GATA4: variants seen among roughly 807,000 people sequenced by gnomAD.
GATA4 encodes the protein transcription factor GATA-4.
A neutral mutation model predicts 37.9 loss-of-function variants in GATA4; 7 were observed. That is an observed-to-expected ratio of 0.18 (90% CI 0.11 to 0.35). The LOEUF (loss-of-function observed/expected upper bound fraction) is 0.35. Ranked by LOEUF, GATA4 falls within the 10% of genes least tolerant of loss-of-function variation. GATA4 has a pLI of 1.00. For synonymous variants in GATA4, 372 were observed against 292.6 expected (o/e 1.27, Z -2.77); for missense variants, 647 against 653.0 (o/e 0.99, Z 0.10).
chr8:11,752,395 T>C (rs1033021796), intron 4 of GATA4, among the ~76,000 whole-genome samples: 6 of 152,038 alleles, frequency 3.9e-5, no homozygotes, highest in African/African-American at 1.4e-4. Flanking sequence ...TGGCGGAAGG[T>C]GAAAGGCACG....
chr8:11,707,392 A>G lies in GATA4; in HGVS notation c.-457-464A>G, dbSNP rs1232554892. ...TGTAAAGTTTGTCCTTGTCCCCCCA[A>G]GGACAATCTAAAGTTCTTTCTAGGC... On this transcript the variant is annotated intron_variant, in intron 1 of 6. Transcript: ENST00000532059. This position sits in a 1 kb window ranked among gnomAD's most constrained non-coding sequence, Gnocchi z 4.7. Among the ~76,000 whole-genome samples the G allele has an allele frequency of 1.3e-5, 2 of 151,792 alleles. No individual in the cohort carries two copies. Among genetic ancestry groups the G allele is most frequent in the African/African-American group, 4.8e-5 (2 of 41,320 alleles).
intron 1 of GATA4, among the ~76,000 whole-genome samples, chr8:11,693,202 A>G (rs1585564563): frequency 6.6e-6 from 1 of 152,346 alleles, no homozygotes; most frequent in South Asian, 2.1e-4. Flanking sequence ...GCGGTGGCGC[A>G]TATTTGTAAT....
intron 2 of GATA4, among the ~76,000 whole-genome samples, chr8:11,743,023 C>T (rs75385343): frequency 0.049 from 7,471 of 152,304 alleles, 229 homozygotes; most frequent in Middle Eastern, 0.085. Flanking sequence ...TCTCCTTGGC[C>T]CCCTCTGGCC....
rs143201500 is a variant in GATA4 at position 11,715,126 on chromosome 8, G to A, written c.616+6198G>A. Reference sequence around the variant, plus strand: ...TAATGAAGTTCATTATCTAATGTATGGAATCCTCACAAAGACATTTATAAA... The same window carrying A: ...TAATGAAGTTCATTATCTAATGTATAGAATCCTCACAAAGACATTTATAAA... On this transcript the variant is annotated intron_variant, in intron 2 of 6. Coordinates refer to ENST00000532059, the MANE Select transcript of GATA4 (RefSeq NM_001308093.3). Among the ~76,000 whole-genome samples, 6 of 152,200 alleles carry A rather than the reference G, an allele frequency of 3.9e-5. No individual in the cohort carries two copies. In the East Asian group the frequency reaches 1.2e-3, roughly 29 times the overall value.
At chr8:11,750,259 C>A (rs201242760) in intron 4 of GATA4, 23 bp downstream of exon 4, 4 of 1,610,690 alleles carry the variant, frequency 2.5e-6, no homozygotes, top group Non-Finnish European at 3.4e-6. Flanking sequence ...TGCGCCCATG[C>A]GGCATCCTTG....
At chr8:11,678,176 G>A (rs934944395) in intron 1 of GATA4, among the ~76,000 whole-genome samples, 8 of 152,058 alleles carry the variant, frequency 5.3e-5, no homozygotes, top group South Asian at 4.2e-4. Context: ...CCACATGCTC[G>A]CAGGTTGAAA....
At chr8:11,731,708 TA>T (rs1283904198) in intron 2 of GATA4, among the ~76,000 whole-genome samples, 4 of 152,252 alleles carry the variant, frequency 2.6e-5, no homozygotes, top group Non-Finnish European at 5.9e-5. Context: ...ACTGTACACT[TA>T]AAAATGGTTA....
At chr8:11,702,847 A>T (rs1190909239), upstream of GATA4, among the ~76,000 whole-genome samples, 1 of 152,038 alleles carries the variant, frequency 6.6e-6, no homozygotes, top group Non-Finnish European at 1.5e-5. The surrounding 1 kb of genome is among the most constrained non-coding windows in gnomAD (Gnocchi z 4.4). Context: ...GCCCCAGTGA[A>T]CCTCCGCACC....
upstream of GATA4, chr8:11,692,597 G>C (rs945064538): frequency 5.9e-5 from 58 of 985,312 alleles, 1 homozygote; most frequent in Middle Eastern, 1.0e-3. Context: ...TGGCCCCCGC[G>C]CTGGGGCGGG....
chr8:11,702,198 C>T (rs1292031664), upstream of GATA4, among the ~76,000 whole-genome samples: 1 of 152,194 alleles, frequency 6.6e-6, no homozygotes, highest in South Asian at 2.1e-4. The surrounding 1 kb of genome is among the most constrained non-coding windows in gnomAD (Gnocchi z 4.4). Context: ...GTGGGGAGGA[C>T]GTCAGATGGC....
chr8:11,742,026 A>C (rs1801763207), intron 2 of GATA4, among the ~76,000 whole-genome samples: 1 of 152,204 alleles, frequency 6.6e-6, no homozygotes, highest in African/African-American at 2.4e-5. Context: ...GGCCCTGGGC[A>C]GGATCTGTTC....
At chr8:11,701,123 A>T (rs1194918581), upstream of GATA4, among the ~76,000 whole-genome samples, 1 of 152,136 alleles carries the variant, frequency 6.6e-6, no homozygotes, top group Non-Finnish European at 1.5e-5. Flanking sequence ...TTAATGGAAC[A>T]GGGTAAAGCA....
rs551378949 is a variant in GATA4 at position 11,708,372 on chromosome 8, G to T, written c.60G>T (p.Ala20=). ...NHGPPPGAYE[A]GGPGAFMHGA... The stretch of plus-strand genomic sequence containing the variant: ...GGCCGCCCCCCGGTGCCTACGAGGC[G>T]GGCGGCCCCGGCGCCTTCATGCACG... The change falls in exon 2 of 7, where the codon GCG becomes GCT. Residue 20 remains alanine, a synonymous_variant. Coordinates refer to ENST00000532059, the MANE Select transcript of GATA4 (RefSeq NM_001308093.3). This position sits in a 1 kb window ranked among gnomAD's most constrained non-coding sequence, Gnocchi z 6.7. The T allele has an allele frequency of 1.3e-6, 2 of 1,558,800 alleles. No homozygotes were observed. Among genetic ancestry groups the T allele is most frequent in the African/African-American group, 1.3e-5 (1 of 74,250 alleles).
At chr8:11,691,920 A>G (rs1301635077), upstream of GATA4, 1 of 737,730 alleles carries the variant, frequency 1.4e-6, no homozygotes, top group African/African-American at 1.9e-5. Flanking sequence ...GGGAAGAAAA[A>G]AAAAAAATCA....
chr8:11,729,267 T>C (rs1408320964), intron 2 of GATA4, among the ~76,000 whole-genome samples: 7 of 151,202 alleles, frequency 4.6e-5, no homozygotes, highest in African/African-American at 1.7e-4. Flanking sequence ...CCAGTGATGT[T>C]TGAACAAAAA....
chr8:11,694,764 G>A (rs1031489219), intron 1 of GATA4, among the ~76,000 whole-genome samples: 8 of 152,118 alleles, frequency 5.3e-5, no homozygotes, highest in Admixed American at 3.3e-4. Flanking sequence ...TTTCTTCCAT[G>A]ATCACAGAGG....
intron 2 of GATA4, among the ~76,000 whole-genome samples, chr8:11,719,863 AT>A (rs1390350474): frequency 6.6e-6 from 1 of 152,152 alleles, no homozygotes; most frequent in Non-Finnish European, 1.5e-5. Flanking sequence ...GTAAAAACAT[AT>A]TTTTTAATCT....
At chr8:11,720,698 G>A (rs1054888617) in intron 2 of GATA4, among the ~76,000 whole-genome samples, 2 of 152,044 alleles carry the variant, frequency 1.3e-5, no homozygotes, top group Non-Finnish European at 2.9e-5. Context: ...GAGAACATGC[G>A]GTTAGTTTCC....
intron 2 of GATA4, among the ~76,000 whole-genome samples, chr8:11,738,177 T>C (rs2130246837): frequency 7.8e-6 from 1 of 127,720 alleles, no homozygotes. Flanking sequence ...CAAGACTCTG[T>C]CTCAAAAAAA....
Sources: allele counts gnomAD v4.1 joint callset (sites outside exome capture counted in the v4.1 genomes callset), GRCh38; gene constraint gnomAD v4.1.1; non-coding constraint Gnocchi (gnomAD v3.1); transcripts MANE v1.5; gene names NCBI Gene and HGNC (gene_info 2026-07-23, HGNC 2026-07-21).